Variants in POLR2L observed in about 807,000 individuals in gnomAD.
POLR2L encodes DNA-directed RNA polymerases I, II, and III subunit RPABC5.
A neutral mutation model predicts 6.8 loss-of-function variants in POLR2L; 7 were observed. The observed-to-expected ratio is 1.03, with a 90% CI of 0.59 to 1.94. The LOEUF (loss-of-function observed/expected upper bound fraction) is 1.94, where lower values mean the gene tolerates loss of function less well. Among genes scored for constraint, POLR2L ranks in the 30% most tolerant of loss-of-function variants. The pLI is 0.00. For synonymous variants in POLR2L, 59 were observed against 39.8 expected (o/e 1.48, Z -1.82); for missense variants, 93 against 86.7 (o/e 1.07, Z -0.29).
At position 842,419 on chromosome 11, in the gene POLR2L, G is replaced by A. The variant is rs1203265162; in HGVS notation, c.90C>T (p.Thr30=). The change falls in exon 1 of 2, where the codon ACC becomes ACT. Residue 30 remains threonine, a synonymous_variant. Coordinates refer to ENST00000322028, the MANE Select transcript of POLR2L (RefSeq NM_021128.5). ...AGCCCCGGCCCGCGCCTCACCCCTC[G>A]GTGTACTCGGCCTGCAGCAGCCCCA... The part of the protein sequence containing the change: ...AYLGLLQAEY[T]EGDALDALGL... The A allele has an allele frequency of 2.5e-6, 4 of 1,580,610 alleles. No individual in the cohort carries two copies. In the South Asian group the frequency reaches 3.4e-5, roughly 14 times the overall value.
Position 842,404 on chromosome 11 carries a change from C to T in POLR2L, c.95+10G>A, listed in dbSNP as rs201965104. On this transcript the variant is annotated intron_variant, in intron 1 of 1. Coordinates refer to ENST00000322028, the MANE Select transcript of POLR2L (RefSeq NM_021128.5). The stretch of plus-strand genomic sequence containing the variant: ...GCGGACTCAGCCCCTAGCCCCGGCC[C>T]GCGCCTCACCCCTCGGTGTACTCGG... 2.5e-6 allele frequency: 4 copies of T among 1,574,360 alleles called. No homozygotes were observed. In the East Asian group the frequency reaches 7.4e-5, roughly 29 times the overall value.
chr11:840,370 G>C lies in POLR2L; in HGVS notation c.*2C>G, dbSNP rs778431310. ...ACAGCGGGTGGGTGGGTTCCAGCGT[G>C]GTCACTTCTCCAGGGGTGCATAATT... On this transcript the variant is annotated 3_prime_UTR_variant, in exon 2 of 2. Transcript: ENST00000322028. The C allele has an allele frequency of 1.9e-6, 3 of 1,583,050 alleles. No individual in the cohort carries two copies. The South Asian group carries it at 3.3e-5, about 18-fold the overall frequency.
In POLR2L at chr11:840,422, G is replaced by A; in HGVS notation, c.154C>T (p.His52Tyr). 6.2e-7 allele frequency: 1 copy of A among 1,612,222 alleles called. No individual in the cohort carries two copies. Among genetic ancestry groups the A allele is most frequent in the Non-Finnish European group, 8.5e-7 (1 of 1,179,664 alleles). The change falls in exon 2 of 2, where the codon CAC (histidine) becomes TAC (tyrosine). Residue 52 changes from histidine (H) to tyrosine (Y), a missense_variant. Physicochemically the swap from His to Tyr is moderately conservative, Grantham distance 83. Coordinates refer to ENST00000322028, the MANE Select transcript of POLR2L (RefSeq NM_021128.5). ...AGCAGCTTCTCGATCAGGTCCACGT[G>A]GGCCAGCAGCATCCGGCGGCAGCAG... ...RYCCRRMLLAHVDLIEKLLNY... is the reference protein window; with the variant it reads ...RYCCRRMLLAYVDLIEKLLNY...
Position 839,849 on chromosome 11 carries a change from G to C in POLR2L, c.*523C>G, listed in dbSNP as rs1208426587. 1 of 152,732 alleles carries C rather than the reference G, an allele frequency of 6.5e-6. No individual in the cohort carries two copies. The highest frequency in any genetic ancestry group is 1.5e-5 in the Non-Finnish European group (1 of 68,414). The allele number at this position is 152,732 out of a possible 1,614,324, so 9.5% of individuals were successfully genotyped here. On this transcript the variant is annotated 3_prime_UTR_variant, in exon 2 of 2. Coordinates refer to ENST00000322028, the MANE Select transcript of POLR2L (RefSeq NM_021128.5). Reference sequence around the variant, plus strand: ...TGTAGAGATGGGGTCTCATTATGATGCCCAGGCGGGTCTTGAATTTCTGGA... The same window carrying C: ...TGTAGAGATGGGGTCTCATTATGATCCCCAGGCGGGTCTTGAATTTCTGGA...
chr11:840,536 T>C (rs1846936287), intron 1 of POLR2L, 56 bp from the exon 2 acceptor site: 10 of 1,264,456 alleles, frequency 7.9e-6, no homozygotes, highest in Non-Finnish European at 1.1e-5. Flanking sequence ...TGCAAAGGCC[T>C]GGAGCCCACA....
At chr11:841,095 GAC>G (rs1846953015) in intron 1 of POLR2L, among the ~76,000 whole-genome samples, 1 of 152,238 alleles carries the variant, frequency 6.6e-6, no homozygotes, top group African/African-American at 2.4e-5. Flanking sequence ...AATGTGCAGA[GAC>G]ACAGAAGCTT....
At chr11:840,629 G>C in intron 1 of POLR2L, 149 bp from the exon 2 acceptor site, 1 of 620,250 alleles carries the variant, frequency 1.6e-6, no homozygotes. Flanking sequence ...CAGAAGCTGA[G>C]ATCTAGCAGT....
At chr11:840,598 G>A in intron 1 of POLR2L, 118 bp from the exon 2 acceptor site, 1 of 687,180 alleles carries the variant, frequency 1.5e-6, no homozygotes, top group Non-Finnish European at 2.5e-6. Flanking sequence ...CCACCGGCAA[G>A]GCGAACAGAT....
At chr11:840,709 C>G (rs1053525446) in intron 1 of POLR2L, among the ~76,000 whole-genome samples, 1 of 152,244 alleles carries the variant, frequency 6.6e-6, no homozygotes, top group Non-Finnish European at 1.5e-5. Context: ...TCCTCTCCCA[C>G]CTACTCTGGC....
In POLR2L at chr11:842,503, G is replaced by A. The variant is rs1429622791; in HGVS notation, c.6C>T (p.Ile2=). 12 of 1,577,810 alleles carry A rather than the reference G, an allele frequency of 7.6e-6. No individual in the cohort carries two copies. The highest frequency in any genetic ancestry group is 1.8e-5 in the Admixed American group (1 of 55,516). The change falls in exon 1 of 2, where the codon ATC becomes ATT. Residue 2 remains isoleucine (I), a synonymous_variant. Coordinates refer to ENST00000322028, the MANE Select transcript of POLR2L (RefSeq NM_021128.5). ...CACAAGTGAAGCAGCGTACAGGGAT[G>A]ATCATGGCGGCGGCGCGTCCCAGAC... M[I]IPVRCFTCGK...
chr11:840,038 G>C lies in POLR2L; in HGVS notation c.*334C>G, dbSNP rs191135967. Reference sequence around the variant, plus strand: ...GAAGGAGGGAACCTCAAAGAGCCCCGAGATGGAAGGCTCTCCTGGCAGCGC... The same window carrying C: ...GAAGGAGGGAACCTCAAAGAGCCCCCAGATGGAAGGCTCTCCTGGCAGCGC... On this transcript the variant is annotated 3_prime_UTR_variant, in exon 2 of 2. Coordinates refer to ENST00000322028, the MANE Select transcript of POLR2L (RefSeq NM_021128.5). The C allele has an allele frequency of 4.4e-6, 1 of 227,774 alleles. No homozygotes were observed. The highest frequency in any genetic ancestry group is 5.4e-5 in the Admixed American group (1 of 18,420). The allele number at this position is 227,774 out of a possible 1,614,324, so 14.1% of individuals were successfully genotyped here. A position where few individuals can be genotyped will look rare whatever the true frequency, so the allele number is the denominator to read the frequency against.
intron 1 of POLR2L, among the ~76,000 whole-genome samples, chr11:841,873 T>G (rs981336691): frequency 6.6e-6 from 1 of 152,132 alleles, no homozygotes; most frequent in Non-Finnish European, 1.5e-5. Flanking sequence ...CACTCCAACC[T>G]GGGCGACGGA....
At chr11:840,581 C>CT in intron 1 of POLR2L, 101 bp from the exon 2 acceptor site, 2 of 728,154 alleles carry the variant, frequency 2.7e-6, no homozygotes, top group South Asian at 1.5e-5. Context: ...TGGCCTCACC[C>CT]CCCCCGCCAC....
In POLR2L at chr11:841,639, C is replaced by G. The variant is rs563002628; in HGVS notation, c.95+775G>C. 7.2e-5 allele frequency among the ~76,000 whole-genome samples: 11 copies of G among 152,348 alleles called. No homozygotes were observed. In the South Asian group the frequency reaches 2.1e-3, roughly 29 times the overall value. ...TAGAGCCAGGCGCGGTGGCTCACGC[C>G]TGTAACCTCAGCACTTTGGGAGGTC... On this transcript the variant is annotated intron_variant, in intron 1 of 1. Coordinates refer to ENST00000322028, the MANE Select transcript of POLR2L (RefSeq NM_021128.5).
chr11:842,019 A>T (rs1038003649), intron 1 of POLR2L, among the ~76,000 whole-genome samples: 4 of 152,198 alleles, frequency 2.6e-5, no homozygotes, highest in Non-Finnish European at 5.9e-5. Flanking sequence ...AACTGCTGGG[A>T]TTACAGATGT....
In POLR2L at chr11:842,515, G is replaced by C; in HGVS notation, c.-7C>G. On this transcript the variant is annotated 5_prime_UTR_variant, in exon 1 of 2. Transcript: ENST00000322028. ...AGCGTACAGGGATGATCATGGCGGCGGCGCGTCCCAGACTGCCCGGCCCGG... is the reference window on the plus strand; with the variant it reads ...AGCGTACAGGGATGATCATGGCGGCCGCGCGTCCCAGACTGCCCGGCCCGG... 1 of 1,573,358 alleles carries C rather than the reference G, an allele frequency of 6.4e-7. No homozygotes were observed. The highest frequency in any genetic ancestry group is 1.2e-5 in the South Asian group (1 of 86,824).
chr11:842,159 C>T (rs934090737), intron 1 of POLR2L, among the ~76,000 whole-genome samples: 7 of 152,224 alleles, frequency 4.6e-5, no homozygotes, highest in Admixed American at 1.3e-4. Flanking sequence ...CCCGCCAGGC[C>T]ACCTAGAATC....
In POLR2L at chr11:840,491, GGGAGGA is replaced by G. The variant is rs770099674; in HGVS notation, c.96-17_96-12del. The G allele has an allele frequency of 1.9e-6, 3 of 1,584,268 alleles. No individual in the cohort carries two copies. The South Asian group carries it at 3.3e-5, about 17-fold the overall frequency. ...GCATCCAGCGCATCCCTGTGTCGAG[GGGAGGA>G]GCAGAGGCCAACTGAGTTCTCTACG... On this transcript the variant is annotated splice_polypyrimidine_tract_variant and intron_variant, in intron 1 of 1. Coordinates refer to ENST00000322028, the MANE Select transcript of POLR2L (RefSeq NM_021128.5).
At chr11:841,885 C>A (rs944036833) in intron 1 of POLR2L, among the ~76,000 whole-genome samples, 3 of 152,228 alleles carry the variant, frequency 2.0e-5, no homozygotes, top group African/African-American at 7.2e-5. Context: ...GGCGACGGAG[C>A]GAGACTCCGT....
Sources: allele counts gnomAD v4.1 joint callset (sites outside exome capture counted in the v4.1 genomes callset), GRCh38; gene constraint gnomAD v4.1.1; transcripts MANE v1.5; gene names NCBI Gene and HGNC (gene_info 2026-07-23, HGNC 2026-07-21).